The following AVEN variants were observed in gnomAD, a reference collection of about 807,000 sequenced individuals.
AVEN encodes cell death regulator Aven.
In AVEN, 41 loss-of-function variants were observed where a neutral mutation model predicts 38.1. The observed-to-expected ratio is 1.08, with a 90% CI of 0.84 to 1.40. AVEN has a LOEUF of 1.40. Among genes scored for constraint, AVEN ranks in the 40% most tolerant of loss-of-function variants. The pLI, the probability that AVEN is intolerant of heterozygous loss-of-function variation, is 0.00. For missense variants in AVEN, 605 were observed against 438.8 expected (o/e 1.38, Z -3.38); for synonymous variants, 206 against 171.8 (o/e 1.20, Z -1.56).
intron 2 of AVEN, among the ~76,000 whole-genome samples, chr15:33,988,427 A>C (rs879443057): frequency 3.6e-4 from 55 of 152,334 alleles, no homozygotes; most frequent in Admixed American, 1.9e-3. Flanking sequence ...ACATGTATAG[A>C]ATAGAGATAA....
chr15:33,973,947 G>C (rs772656189), intron 2 of AVEN, among the ~76,000 whole-genome samples: 2 of 152,148 alleles, frequency 1.3e-5, no homozygotes, highest in African/African-American at 2.4e-5. Context: ...CTGATAATAG[G>C]CAAGTAGGTA....
chr15:33,984,590 CAG>C (rs1896340410), intron 2 of AVEN, among the ~76,000 whole-genome samples: 2 of 152,060 alleles, frequency 1.3e-5, no homozygotes, highest in Admixed American at 1.3e-4. Flanking sequence ...TCAGTAGAGA[CAG>C]GGTTTCTCCA....
intron 2 of AVEN, among the ~76,000 whole-genome samples, chr15:33,966,593 T>C (rs1895393739): frequency 6.6e-6 from 1 of 152,142 alleles, no homozygotes; most frequent in South Asian, 2.1e-4. Flanking sequence ...AATTTCCATC[T>C]ACACCCCTTT....
chr15:33,988,248 T>A (rs1597317403), intron 2 of AVEN, among the ~76,000 whole-genome samples: 3 of 152,238 alleles, frequency 2.0e-5, no homozygotes, highest in Admixed American at 2.0e-4. Flanking sequence ...ATAGTTTTTT[T>A]TAGTTTCAGA....
chr15:33,941,299 G>GTT (rs201738492), intron 2 of AVEN, among the ~76,000 whole-genome samples: 11 of 148,246 alleles, frequency 7.4e-5, no homozygotes, highest in African/African-American at 9.9e-5. Flanking sequence ...AACTGAAACT[G>GTT]TTTTTTTTTT....
chr15:33,907,782 C>A (rs1171686802), intron 2 of AVEN, among the ~76,000 whole-genome samples: 1 of 146,466 alleles, frequency 6.8e-6, no homozygotes, highest in East Asian at 2.0e-4. Context: ...ACAAAATTCC[C>A]AGCACTAAAA....
At chr15:33,944,547 C>T (rs1450469480) in intron 2 of AVEN, among the ~76,000 whole-genome samples, 6 of 152,154 alleles carry the variant, frequency 3.9e-5, no homozygotes, top group Non-Finnish European at 7.4e-5. Flanking sequence ...GCACGGCTCA[C>T]GCCTGTAATC....
intron 2 of AVEN, among the ~76,000 whole-genome samples, chr15:33,880,788 G>A (rs1317238043): frequency 1.3e-5 from 2 of 152,118 alleles, no homozygotes; most frequent in Non-Finnish European, 2.9e-5. Context: ...AAGATCCACA[G>A]AGATTAAGAT....
chr15:34,048,867 AC>A (rs1353852325), intron 5 of AVEN, among the ~76,000 whole-genome samples: 1 of 152,134 alleles, frequency 6.6e-6, no homozygotes, highest in Non-Finnish European at 1.5e-5. Context: ...TGTTTTGCAT[AC>A]CTGGTGGTAT....
intron 2 of AVEN, among the ~76,000 whole-genome samples, chr15:33,945,737 C>T (rs1323390659): frequency 1.3e-5 from 2 of 152,088 alleles, no homozygotes; most frequent in Non-Finnish European, 2.9e-5. Context: ...AGGTGCACAC[C>T]ACCACGCCTG....
chr15:33,961,744 C>T (rs1361020706), intron 2 of AVEN, among the ~76,000 whole-genome samples: 8 of 130,682 alleles, frequency 6.1e-5, no homozygotes, highest in Admixed American at 9.3e-5. Flanking sequence ...ACCCGGGAGG[C>T]GGAGCTTGCA....
At chr15:33,870,158 T>C (rs555253990) in intron 4 of AVEN, among the ~76,000 whole-genome samples, 1 of 152,266 alleles carries the variant, frequency 6.6e-6, no homozygotes, top group African/African-American at 2.4e-5. Context: ...ACCTTTGAAG[T>C]ACCTCAGTAC....
downstream of AVEN, chr15:33,856,847 C>T (rs919377132): frequency 1.3e-5 from 2 of 152,204 alleles, no homozygotes; most frequent in Admixed American, 1.3e-4. Flanking sequence ...TTAGTAGAGA[C>T]AGGGTTTCAC....
chr15:33,893,951 A>ATTTTTTT (rs11463061), intron 2 of AVEN, among the ~76,000 whole-genome samples: 2 of 142,312 alleles, frequency 1.4e-5, no homozygotes, highest in Non-Finnish European at 1.5e-5. Flanking sequence ...TGATGCCAAG[A>ATTTTTTT]TTTTTTTTTT....
intron 2 of AVEN, among the ~76,000 whole-genome samples, chr15:33,988,548 C>T (rs1199642693): frequency 6.6e-6 from 1 of 152,176 alleles, no homozygotes; most frequent in Admixed American, 6.5e-5. Flanking sequence ...AATGACAGCA[C>T]TGATGACCGC....
downstream of AVEN, chr15:33,864,880 T>G: frequency 2.2e-6 from 1 of 447,892 alleles, no homozygotes. Context: ...CAAACATTGA[T>G]TGGTTTCAGT....
chr15:33,968,971 C>G (rs1597287353), intron 2 of AVEN: 1 of 151,990 alleles, frequency 6.6e-6, no homozygotes, highest in Non-Finnish European at 1.5e-5. Context: ...CTTCATCTAC[C>G]GCATACTATC....
intron 2 of AVEN, among the ~76,000 whole-genome samples, chr15:33,982,114 G>A (rs557548822): frequency 1.3e-3 from 194 of 151,574 alleles, no homozygotes; most frequent in Non-Finnish European, 1.8e-3. Flanking sequence ...TGATCCACCC[G>A]CCTCAGCCTC....
At chr15:34,035,445 C>A (rs1220999169) in intron 1 of AVEN, among the ~76,000 whole-genome samples, 1 of 152,046 alleles carries the variant, frequency 6.6e-6, no homozygotes, top group Non-Finnish European at 1.5e-5. Context: ...TTTTTCAAAT[C>A]TCAAAGTCAT....
Sources: allele counts gnomAD v4.1 joint callset (sites outside exome capture counted in the v4.1 genomes callset), GRCh38; gene constraint gnomAD v4.1.1; transcripts MANE v1.5; gene names NCBI Gene and HGNC (gene_info 2026-07-23, HGNC 2026-07-21).